Variants in TMEM44 observed in about 807,000 individuals in gnomAD.
TMEM44 encodes transmembrane protein 44.
A neutral mutation model predicts 47.8 loss-of-function variants in TMEM44; 43 were observed. That is an observed-to-expected ratio of 0.90 (90% CI 0.70 to 1.16). The LOEUF is 1.16. Among genes scored for constraint, TMEM44 ranks in the 50% most tolerant of loss-of-function variants. The pLI, the probability that TMEM44 is intolerant of heterozygous loss-of-function variation, is 0.00. For missense variants in TMEM44, 568 were observed against 555.2 expected, an observed-to-expected ratio of 1.02 and a Z score of -0.23; for synonymous variants, 277 against 238.8, an observed-to-expected ratio of 1.16 and a Z score of -1.48.
intron 3 of TMEM44, among the ~76,000 whole-genome samples, chr3:194,624,084 C>A (rs771475249): frequency 7.9e-5 from 12 of 152,244 alleles, no homozygotes; most frequent in Non-Finnish European, 1.5e-4. Context: ...GTGGTACAAG[C>A]ATCGACCCGT....
chr3:194,610,014 G>C (rs1394854172), intron 8 of TMEM44, among the ~76,000 whole-genome samples: 1 of 152,100 alleles, frequency 6.6e-6, no homozygotes. Flanking sequence ...AGATCACGAG[G>C]TCAAGAGATC....
intron 1 of TMEM44, among the ~76,000 whole-genome samples, chr3:194,628,932 G>A (rs1488797171): frequency 1.3e-5 from 2 of 152,210 alleles, no homozygotes; most frequent in Non-Finnish European, 2.9e-5. Flanking sequence ...GGGAGGCCGA[G>A]GCAGGAGGAT....
intron 9 of TMEM44, among the ~76,000 whole-genome samples, chr3:194,596,112 G>C (rs1713377100): frequency 6.6e-6 from 1 of 152,096 alleles, no homozygotes; most frequent in African/African-American, 2.4e-5. Flanking sequence ...CAGATGGGGA[G>C]GCGTTCTGGA....
chr3:194,624,658 A>G (rs1401165555), intron 3 of TMEM44, among the ~76,000 whole-genome samples: 1 of 151,736 alleles, frequency 6.6e-6, no homozygotes, highest in Non-Finnish European at 1.5e-5. Flanking sequence ...GCCTCAAGCA[A>G]TCTTCCCAAC....
Position 194,604,376 on chromosome 3 carries a change from G to A in TMEM44, c.1087C>T (p.Pro363Ser). The A allele has an allele frequency of 1.3e-6, 2 of 1,556,572 alleles. No individual in the cohort carries two copies. Among genetic ancestry groups the A allele is most frequent in the South Asian group, 2.4e-5 (2 of 84,448 alleles). Residue 363 changes from proline (P) to serine (S), a missense_variant, in exon 9 of 10, where the codon CCC (proline) becomes TCC (serine). Transcript: ENST00000347147. The stretch of plus-strand genomic sequence containing the variant: ...ACCTGAACGGGAGGGTACGACGGGG[G>A]GTCCTGCAGGGACGCATCTCCGGCG... ...TSAGDASLQD[P>S]PSYPPVQVIR... is the part of the protein sequence containing the mutation.
intron 7 of TMEM44, among the ~76,000 whole-genome samples, chr3:194,613,728 A>G (rs7349515): frequency 0.87 from 130,878 of 150,948 alleles, 56,912 homozygotes; most frequent in South Asian, 0.92. Flanking sequence ...TCCTGACCTC[A>G]TGATGCACCC....
intron 9 of TMEM44, among the ~76,000 whole-genome samples, chr3:194,600,748 T>A (rs1714001301): frequency 6.6e-6 from 1 of 150,398 alleles, no homozygotes; most frequent in South Asian, 2.1e-4. Flanking sequence ...AGACTCCGTC[T>A]CAAAAAGAAA....
chr3:194,614,982 AT>A (rs943798279), intron 7 of TMEM44, among the ~76,000 whole-genome samples: 31 of 152,046 alleles, frequency 2.0e-4, no homozygotes, highest in African/African-American at 7.5e-4. Flanking sequence ...TATGCCTGTA[AT>A]CCCAGCACTT....
chr3:194,624,962 T>C (rs550659239), intron 3 of TMEM44, among the ~76,000 whole-genome samples: 2 of 150,822 alleles, frequency 1.3e-5, no homozygotes, highest in Admixed American at 6.6e-5. Flanking sequence ...AATGATCTGC[T>C]TGCCTCAGCC....
At chr3:194,608,316 G>A (rs1018916687) in intron 8 of TMEM44, among the ~76,000 whole-genome samples, 6 of 152,186 alleles carry the variant, frequency 3.9e-5, no homozygotes, top group Non-Finnish European at 5.9e-5. Flanking sequence ...TCTCTCAGCC[G>A]AGTCTCTCCG....
Position 194,623,512 on chromosome 3 carries a change from C to T in TMEM44, c.525+17G>A, listed in dbSNP as rs371818479. ...CATGCAGTACCCCGAGTCCTCCCCA[C>T]GGTGGCCCAGCCTCACCTGCAGCAG... On this transcript the variant is annotated intron_variant, in intron 4 of 9. Transcript: ENST00000347147. 1.5e-5 allele frequency: 24 copies of T among 1,567,664 alleles called. No individual in the cohort carries two copies. Among genetic ancestry groups the T allele is most frequent in the South Asian group, 4.7e-5 (4 of 84,502 alleles).
intron 8 of TMEM44, among the ~76,000 whole-genome samples, chr3:194,606,267 A>G (rs575815047): frequency 1.3e-5 from 2 of 152,160 alleles, no homozygotes; most frequent in Non-Finnish European, 2.9e-5. Context: ...TCTCCTGGAA[A>G]ATCGCTCCTT....
At chr3:194,628,565 C>A in intron 1 of TMEM44, 56 bp from the exon 2 acceptor site, 2 of 1,531,086 alleles carry the variant, frequency 1.3e-6, no homozygotes, top group African/African-American at 1.4e-5. Flanking sequence ...GACCCAAACG[C>A]ATGTATCTAA....
chr3:194,617,855 CAGTG>C (rs1485177152), intron 5 of TMEM44: 13 of 650,726 alleles, frequency 2.0e-5, no homozygotes, highest in East Asian at 2.0e-4. Flanking sequence ...GTCCTCACGA[CAGTG>C]AGTGAGTTCT....
At chr3:194,594,737 T>C (rs1464626429) in intron 9 of TMEM44, among the ~76,000 whole-genome samples, 2 of 151,960 alleles carry the variant, frequency 1.3e-5, no homozygotes, top group Non-Finnish European at 2.9e-5. Flanking sequence ...AAAGTTAACT[T>C]AGCGAAAAAG....
intron 8 of TMEM44, 117 bp from the exon 9 acceptor site, chr3:194,604,562 C>T: frequency 7.6e-7 from 1 of 1,322,358 alleles, no homozygotes; most frequent in African/African-American, 1.5e-5. Flanking sequence ...TGCAGGGCAG[C>T]ATCTACCTGT....
Position 194,590,802 on chromosome 3 carries a change from G to A in TMEM44, c.1177-2163C>T, listed in dbSNP as rs541466982. Among the ~76,000 whole-genome samples, 166 of 152,234 alleles carry A rather than the reference G, an allele frequency of 1.1e-3. 2 individuals carry two copies. The highest frequency in any genetic ancestry group is 3.9e-3 in the African/African-American group (162 of 41,548). ...CCCTGATGATTGAGAACCACTGCTCGAGCTTCTTAAATGGCTGCTGAAGAA... is the reference window on the plus strand; with the variant it reads ...CCCTGATGATTGAGAACCACTGCTCAAGCTTCTTAAATGGCTGCTGAAGAA... On this transcript the variant is annotated intron_variant, in intron 9 of 9. Coordinates refer to ENST00000347147, the MANE Select transcript of TMEM44 (RefSeq NM_001011655.3).
intron 9 of TMEM44, among the ~76,000 whole-genome samples, chr3:194,596,322 T>C (rs1322757944): frequency 6.6e-6 from 1 of 152,150 alleles, no homozygotes; most frequent in Non-Finnish European, 1.5e-5. Flanking sequence ...ACGAGGCTCT[T>C]ACCTGGATTT....
At chr3:194,627,722 A>G (rs926111238) in intron 2 of TMEM44, among the ~76,000 whole-genome samples, 2 of 152,218 alleles carry the variant, frequency 1.3e-5, no homozygotes, top group Non-Finnish European at 2.9e-5. Context: ...TCAGGCCTGT[A>G]ATCCTAGCAC....
Sources: allele counts gnomAD v4.1 joint callset (sites outside exome capture counted in the v4.1 genomes callset), GRCh38; gene constraint gnomAD v4.1.1; transcripts MANE v1.5; gene names NCBI Gene and HGNC (gene_info 2026-07-23, HGNC 2026-07-21).